The following TMPPE variants were observed in gnomAD, a reference collection of about 807,000 sequenced individuals.
TMPPE encodes transmembrane protein with metallophosphoesterase domain.
Under a neutral mutation model 22.6 loss-of-function variants are expected in TMPPE, and 16 were observed. The ratio of observed to expected loss-of-function variants is 0.71; its 90% CI spans 0.48 to 1.08. The LOEUF (loss-of-function observed/expected upper bound fraction) is 1.08, where lower values mean the gene tolerates loss of function less well. Ranked by LOEUF, TMPPE falls within the 50% of genes least tolerant of loss-of-function variation. The probability of loss-of-function intolerance (pLI) is 0.00; values close to 1 mark genes in which losing one functional copy is unlikely to be tolerated. For synonymous variants in TMPPE, 240 were observed against 245.3 expected (o/e 0.98, Z 0.20); for missense variants, 526 against 584.3 (o/e 0.90, Z 1.03).
intron 1 of TMPPE, among the ~76,000 whole-genome samples, chr3:33,095,210 CAAAAAAAAA>C (rs71630565): frequency 5.9e-4 from 45 of 75,876 alleles, no homozygotes; most frequent in African/African-American, 1.3e-3. Flanking sequence ...GACTCTGTCT[CAAAAAAAAA>C]AAAAAAAAAA....
chr3:33,094,393 C>A (rs1431522415), intron 1 of TMPPE, 90 bp from the exon 2 acceptor site: 2 of 1,342,480 alleles, frequency 1.5e-6, no homozygotes, highest in African/African-American at 1.5e-5. Context: ...TCTGCCCAAC[C>A]CACCTTGAAT....
chr3:33,094,533 A>G (rs1464427333), intron 1 of TMPPE, among the ~76,000 whole-genome samples: 1 of 152,240 alleles, frequency 6.6e-6, no homozygotes, highest in East Asian at 1.9e-4. Context: ...GTTTCTCTAC[A>G]GTAAGCATGT....
Position 33,094,045 on chromosome 3 carries a change from A to G in TMPPE, c.151T>C (p.Phe51Leu). Residue 51 changes from phenylalanine (F) to leucine (L), a missense_variant, in exon 2 of 2, where the codon TTT (phenylalanine) becomes CTT (leucine). Coordinates refer to ENST00000342462, the MANE Select transcript of TMPPE (RefSeq NM_001039770.3). ...CCAATGAGCAAGAGCGAGTTGACAA[A>G]CAGGGCAAGCTGCAAGCGAAGCAGC... ...RWLLRLQLAL[F>L]VNSLLLIGSL... 1 of 1,614,220 alleles carries G rather than the reference A, an allele frequency of 6.2e-7. No homozygotes were observed. The highest frequency in any genetic ancestry group is 8.5e-7 in the Non-Finnish European group (1 of 1,180,044).
rs774393146 is a variant in TMPPE at position 33,097,121 on chromosome 3, G to C, written c.-511C>G. The C allele has an allele frequency of 6.8e-6, 11 of 1,608,574 alleles. No homozygotes were observed. Among genetic ancestry groups the C allele is most frequent in the Non-Finnish European group, 8.5e-6 (10 of 1,177,274 alleles). On this transcript the variant is annotated 5_prime_UTR_variant, in exon 1 of 2. Coordinates refer to ENST00000342462, the MANE Select transcript of TMPPE (RefSeq NM_001039770.3). ...CTCCCGGCTCTGCAGTCGGCGCCCA[G>C]GCCGGCCGCTTCGCGTCACTTGACT...
chr3:33,093,998 G>C lies in TMPPE; in HGVS notation c.198C>G (p.Ser66Arg). Residue 66 changes from serine to arginine, a missense_variant, in exon 2 of 2, where the codon AGC (serine) becomes AGG (arginine). Transcript: ENST00000342462. The surrounding 1 kb of genome is among the most constrained non-coding windows in gnomAD (Gnocchi z 6.0). ...GGGAGTGGCAGAGGTTGCTCACTGT[G>C]CTGCGCCAAATGTAGAGGGAGCCAA... The part of the protein sequence containing the change: ...LLIGSLYIWR[S>R]TVSNLCHSPA... 1 of 1,614,216 alleles carries C rather than the reference G, an allele frequency of 6.2e-7. No individual in the cohort carries two copies. Among genetic ancestry groups the C allele is most frequent in the Non-Finnish European group, 8.5e-7 (1 of 1,180,028 alleles).
In TMPPE at chr3:33,092,514, G is replaced by C; in HGVS notation, c.*320C>G. ...GTATGCCTTTCTAGCAACCCCGAGGGGAGGTTCATCCCTGGGAGCTCTGCA... is the reference window on the plus strand; with the variant it reads ...GTATGCCTTTCTAGCAACCCCGAGGCGAGGTTCATCCCTGGGAGCTCTGCA... On this transcript the variant is annotated 3_prime_UTR_variant, in exon 2 of 2. Coordinates refer to ENST00000342462, the MANE Select transcript of TMPPE (RefSeq NM_001039770.3). 9.0e-7 allele frequency: 1 copy of C among 1,108,320 alleles called. No homozygotes were observed. Among genetic ancestry groups the C allele is most frequent in the Non-Finnish European group, 1.1e-6 (1 of 907,246 alleles). The allele number at this position is 1,108,320 out of a possible 1,614,324, so 68.7% of individuals were successfully genotyped here.
chr3:33,093,286 T>G lies in TMPPE; in HGVS notation c.910A>C (p.Asn304His), dbSNP rs764118047. 1 of 1,613,986 alleles carries G rather than the reference T, an allele frequency of 6.2e-7. No homozygotes were observed. Among genetic ancestry groups the G allele is most frequent in the African/African-American group, 1.3e-5 (1 of 74,898 alleles). Residue 304 changes from asparagine to histidine, a missense_variant, in exon 2 of 2, where the codon AAC becomes CAC. Asn to His is a moderately conservative substitution (Grantham distance 68, BLOSUM62 1). Transcript: ENST00000342462. This position sits in a 1 kb window ranked among gnomAD's most constrained non-coding sequence, Gnocchi z 6.0. ...SLHVQPLHNE[N>H]VKISATRAQR... ...GCCCGTGTGGCGGAAATCTTCACGT[T>G]CTCATTATGAAGAGGCTGGACATGC...
Position 33,092,938 on chromosome 3 carries a change from C to A in TMPPE, c.1258G>T (p.Ala420Ser), listed in dbSNP as rs1700832382. 1 of 1,614,172 alleles carries A rather than the reference C, an allele frequency of 6.2e-7. No homozygotes were observed. The highest frequency in any genetic ancestry group is 8.5e-7 in the Non-Finnish European group (1 of 1,180,024). ...FFAGLYQVAQ[A>S]TFVYVSPGTA... is the part of the protein sequence containing the mutation. ...CCTGGGCTGACATACACGAATGTAG[C>A]CTGGGCCACCTGGTAGAGACCAGCA... Residue 420 changes from alanine (A) to serine (S), a missense_variant, in exon 2 of 2, where the codon GCT becomes TCT. Coordinates refer to ENST00000342462, the MANE Select transcript of TMPPE (RefSeq NM_001039770.3).
In TMPPE at chr3:33,093,840, T is replaced by C. The variant is rs1280534814; in HGVS notation, c.356A>G (p.Tyr119Cys). 6 of 1,612,800 alleles carry C rather than the reference T, an allele frequency of 3.7e-6. No homozygotes were observed. The African/African-American group carries it at 4.0e-5, about 11-fold the overall frequency. Reference sequence around the variant, plus strand: ...GATGATGTAAGCACCCAGGCAGGAGTAGGCCGCCAAGGAAAAGAGATAGGG... The same window carrying C: ...GATGATGTAAGCACCCAGGCAGGAGCAGGCCGCCAAGGAAAAGAGATAGGG... ...EEPYLFSLAA[Y>C]SCLGAYIIML... The change falls in exon 2 of 2, where the codon TAC becomes TGC. Residue 119 changes from tyrosine to cysteine, a missense_variant. Tyr to Cys is a radical substitution (Grantham distance 194). Coordinates refer to ENST00000342462, the MANE Select transcript of TMPPE (RefSeq NM_001039770.3). This position sits in a 1 kb window ranked among gnomAD's most constrained non-coding sequence, Gnocchi z 6.0.
chr3:33,090,842 CA>C lies in TMPPE; in HGVS notation c.*1991del. 1.0e-6 allele frequency: 1 copy of C among 985,092 alleles called. No homozygotes were observed. The highest frequency in any genetic ancestry group is 1.1e-4 in the East Asian group (1 of 8,800). 61.0% of individuals were successfully genotyped at this position (985,092 alleles called of 1,614,324 possible). A position where few individuals can be genotyped will look rare whatever the true frequency, so the allele number is the denominator to read the frequency against. ...TGCTAATAGAAAGCAATCAGTCAAG[CA>C]AGGACTTCAGAGTGGATGAAGGGTA... On this transcript the variant is annotated 3_prime_UTR_variant, in exon 2 of 2. Coordinates refer to ENST00000342462, the MANE Select transcript of TMPPE (RefSeq NM_001039770.3).
chr3:33,096,323 ACGCCC>A (rs1701024822), intron 1 of TMPPE: 2 of 929,744 alleles, frequency 2.2e-6, no homozygotes, highest in South Asian at 9.9e-5. Context: ...CCAACTGTGC[ACGCCC>A]CGCACCTCAC....
chr3:33,093,528 C>T lies in TMPPE; in HGVS notation c.668G>A (p.Arg223Lys). 3.7e-6 allele frequency: 6 copies of T among 1,614,228 alleles called. No homozygotes were observed. The highest frequency in any genetic ancestry group is 5.1e-6 in the Non-Finnish European group (6 of 1,180,048). ...SDIHLGPTVG[R>K]TKMEMFVRMV... Reference sequence around the variant, plus strand: ...CCTCACAAACATTTCCATCTTGGTCCTGCCCACTGTGGGGCCCAAGTGAAT... The same window carrying T: ...CCTCACAAACATTTCCATCTTGGTCTTGCCCACTGTGGGGCCCAAGTGAAT... Residue 223 changes from arginine to lysine, a missense_variant, in exon 2 of 2, where the codon AGG becomes AAG. Coordinates refer to ENST00000342462, the MANE Select transcript of TMPPE (RefSeq NM_001039770.3). This position sits in a 1 kb window ranked among gnomAD's most constrained non-coding sequence, Gnocchi z 6.0.
At position 33,091,973 on chromosome 3, in the gene TMPPE, C is replaced by T; in HGVS notation, c.*861G>A. The stretch of plus-strand genomic sequence containing the variant: ...TTCTAGCCCCAAATCTCCTACATAT[C>T]TTGTCATACTGCCTGTGCCCTATCT... On this transcript the variant is annotated 3_prime_UTR_variant, in exon 2 of 2. Coordinates refer to ENST00000342462, the MANE Select transcript of TMPPE (RefSeq NM_001039770.3). 1 of 984,234 alleles carries T rather than the reference C, an allele frequency of 1.0e-6. No individual in the cohort carries two copies. Among genetic ancestry groups the T allele is most frequent in the Non-Finnish European group, 1.2e-6 (1 of 828,812 alleles). 61.0% of individuals were successfully genotyped at this position (984,234 alleles called of 1,614,324 possible). A position where few individuals can be genotyped will look rare whatever the true frequency, so the allele number is the denominator to read the frequency against.
chr3:33,096,921 C>G lies in TMPPE; in HGVS notation c.-311G>C, dbSNP rs149553048. ...TTCGGGGCTCAGGCTCCCCGCCCTG[C>G]GGGACCGCGGGTGGCTGCGACCCCA... is the stretch of plus-strand genomic sequence containing the variant. On this transcript the variant is annotated 5_prime_UTR_variant, in exon 1 of 2. Coordinates refer to ENST00000342462, the MANE Select transcript of TMPPE (RefSeq NM_001039770.3). 5.2e-6 allele frequency: 8 copies of G among 1,538,942 alleles called. No homozygotes were observed. The East Asian group carries it at 1.0e-4, about 20-fold the overall frequency.
At position 33,097,101 on chromosome 3, in the gene TMPPE, G is replaced by T; in HGVS notation, c.-491C>A. On this transcript the variant is annotated 5_prime_UTR_variant, in exon 1 of 2. Coordinates refer to ENST00000342462, the MANE Select transcript of TMPPE (RefSeq NM_001039770.3). ...ACCCCGGCATGACCACCAGCCTCCCGGCTCTGCAGTCGGCGCCCAGGCCGG... is the reference window on the plus strand; with the variant it reads ...ACCCCGGCATGACCACCAGCCTCCCTGCTCTGCAGTCGGCGCCCAGGCCGG... The T allele has an allele frequency of 6.2e-7, 1 of 1,611,744 alleles. No homozygotes were observed. The highest frequency in any genetic ancestry group is 8.5e-7 in the Non-Finnish European group (1 of 1,178,748).
rs1385721193 is a variant in TMPPE, at chr3:33,096,915, G to C, written c.-305C>G. On this transcript the variant is annotated 5_prime_UTR_variant, in exon 1 of 2. Transcript: ENST00000342462. ...GGGCACTTCGGGGCTCAGGCTCCCC[G>C]CCCTGCGGGACCGCGGGTGGCTGCG... 9 of 1,530,584 alleles carry C rather than the reference G, an allele frequency of 5.9e-6. No homozygotes were observed. The Admixed American group carries it at 1.4e-4, about 24-fold the overall frequency. 94.8% of individuals were successfully genotyped at this position (1,530,584 alleles called of 1,614,324 possible). A position where few individuals can be genotyped will look rare whatever the true frequency, so the allele number is the denominator to read the frequency against.
chr3:33,096,572 T>G (rs1701038158), intron 1 of TMPPE, 147 bp downstream of exon 1: 1 of 1,028,588 alleles, frequency 9.7e-7, no homozygotes, highest in African/African-American at 1.7e-5. Flanking sequence ...GGGCCTCTCC[T>G]GACCCCATTT....
In TMPPE at chr3:33,090,814, T is replaced by C; in HGVS notation, c.*2020A>G. 3.0e-6 allele frequency: 3 copies of C among 985,384 alleles called. No homozygotes were observed. Among genetic ancestry groups the C allele is most frequent in the Non-Finnish European group, 3.6e-6 (3 of 829,930 alleles). 61.0% of individuals were successfully genotyped at this position (985,384 alleles called of 1,614,324 possible). A position where few individuals can be genotyped will look rare whatever the true frequency, so the allele number is the denominator to read the frequency against. ...GATACATAGGATGGACCTGTTTTCTTTCTGCTAATAGAAAGCAATCAGTCA... is the reference window on the plus strand; with the variant it reads ...GATACATAGGATGGACCTGTTTTCTCTCTGCTAATAGAAAGCAATCAGTCA... On this transcript the variant is annotated 3_prime_UTR_variant, in exon 2 of 2. Transcript: ENST00000342462.
Position 33,096,749 on chromosome 3 carries a change from A to C in TMPPE, c.-139T>G. On this transcript the variant is annotated 5_prime_UTR_variant, in exon 1 of 2. Transcript: ENST00000342462. ...CTCAACACCTCGTTACAGATGGGGAAGTGGATCCAAGCGCAAAGGGCGGCC... is the reference window on the plus strand; with the variant it reads ...CTCAACACCTCGTTACAGATGGGGACGTGGATCCAAGCGCAAAGGGCGGCC... The C allele has an allele frequency of 2.3e-6, 3 of 1,296,314 alleles. No homozygotes were observed. Among genetic ancestry groups the C allele is most frequent in the East Asian group, 3.5e-5 (1 of 28,184 alleles). The allele number at this position is 1,296,314 out of a possible 1,614,324, so 80.3% of individuals were successfully genotyped here.
Sources: gnomAD v4.1 joint callset for allele counts (sites outside exome capture counted in the v4.1 genomes callset) on GRCh38, gnomAD v4.1.1 for gene constraint, Gnocchi (gnomAD v3.1) non-coding constraint, MANE v1.5 for transcripts, NCBI Gene and HGNC (gene_info 2026-07-23, HGNC 2026-07-21) for gene names.